APTX: variants seen among roughly 807,000 people sequenced by gnomAD.
APTX encodes forkhead-associated domain histidine triad-like protein.
APTX carries 33 observed loss-of-function variants against 42.3 expected under a neutral mutation model. The ratio of observed to expected loss-of-function variants is 0.78; its 90% confidence interval spans 0.59 to 1.04. The LOEUF is 1.04. APTX is among the 50% of genes least tolerant of loss of function. The pLI, the probability that APTX is intolerant of heterozygous loss-of-function variation, is 0.00. For missense variants in APTX, 421 were observed against 415.1 expected (o/e 1.01, Z -0.12); for synonymous variants, 130 against 146.7 (o/e 0.89, Z 0.82).
chr9:32,993,491 C>T (rs1834117945), intron 1 of APTX, among the ~76,000 whole-genome samples: 1 of 152,308 alleles, frequency 6.6e-6, no homozygotes, highest in Admixed American at 6.5e-5. Flanking sequence ...CCTAATCTAA[C>T]ACTTGGCATA....
chr9:32,987,717 C>A lies in APTX; in HGVS notation c.310G>T (p.Ala104Ser). The A allele has an allele frequency of 6.2e-7, 1 of 1,614,178 alleles. No individual in the cohort carries two copies. Among genetic ancestry groups the A allele is most frequent in the Non-Finnish European group, 8.5e-7 (1 of 1,180,030 alleles). The change falls in exon 4 of 8, where the codon GCA becomes TCA. Residue 104 changes from alanine to serine, a missense_variant. Coordinates refer to ENST00000379817, the MANE Select transcript of APTX (RefSeq NM_001195248.2). ...YPYIVEFEEEAKNPGLETHRK... is the reference protein window; with the variant it reads ...YPYIVEFEEESKNPGLETHRK... Reference sequence around the variant, plus strand: ...TGTGTTTCCAGGCCAGGGTTCTTTGCCTCTTCCTCAAACTCTACAATATAT... The same window carrying A: ...TGTGTTTCCAGGCCAGGGTTCTTTGACTCTTCCTCAAACTCTACAATATAT...
chr9:33,013,545 G>A (rs1003469525), intron 1 of APTX, among the ~76,000 whole-genome samples: 3 of 152,226 alleles, frequency 2.0e-5, no homozygotes, highest in Admixed American at 6.5e-5. Context: ...GGTGGCTCAT[G>A]CCTGTAATCC....
chr9:33,017,326 T>G (rs1421067855), intron 1 of APTX, among the ~76,000 whole-genome samples: 1 of 152,206 alleles, frequency 6.6e-6, no homozygotes, highest in Non-Finnish European at 1.5e-5. Context: ...CTGGGTAGCT[T>G]ACAAACACCA....
chr9:32,993,184 A>G (rs1397998906), intron 1 of APTX, among the ~76,000 whole-genome samples: 1 of 152,214 alleles, frequency 6.6e-6, no homozygotes, highest in African/African-American at 2.4e-5. Flanking sequence ...TCTGCCCTCC[A>G]TCAATACAGA....
intron 5 of APTX, among the ~76,000 whole-genome samples, 179 bp from the exon 6 acceptor site, chr9:32,985,036 A>T (rs931046693): frequency 6.6e-6 from 1 of 152,238 alleles, no homozygotes; most frequent in East Asian, 1.9e-4. Flanking sequence ...CACAAGTCAT[A>T]GTTCCTAAGA....
At chr9:33,015,055 C>A (rs10971320) in intron 1 of APTX, among the ~76,000 whole-genome samples, 10,737 of 152,180 alleles carry the variant, frequency 0.071, 515 homozygotes, top group Non-Finnish European at 0.11. Flanking sequence ...TCTTGTATGC[C>A]TTTTAGCTTT....
At position 32,973,114 on chromosome 9, in the gene APTX, G is replaced by T; in HGVS notation, c.*384C>A. ...GCCACTCTAGATGCTCTGATTAAAG[G>T]TTGTCCATGCCTACAGAGGCGGAGG... On this transcript the variant is annotated 3_prime_UTR_variant, in exon 8 of 8. Transcript: ENST00000379817. The T allele has an allele frequency of 2.2e-6, 1 of 458,394 alleles. No individual in the cohort carries two copies. Among genetic ancestry groups the T allele is most frequent in the Non-Finnish European group, 4.4e-6 (1 of 229,762 alleles). The allele number at this position is 458,394 out of a possible 1,614,324, so 28.4% of individuals were successfully genotyped here. A position where few individuals can be genotyped will look rare whatever the true frequency, so the allele number is the denominator to read the frequency against.
chr9:33,023,173 G>A (rs539710129), intron 1 of APTX, among the ~76,000 whole-genome samples: 210 of 151,242 alleles, frequency 1.4e-3, no homozygotes, highest in Non-Finnish European at 2.9e-3. Context: ...TTTGTTTCTG[G>A]TTCCCTATGT....
chr9:32,987,303 T>C (rs937747690), intron 4 of APTX, among the ~76,000 whole-genome samples: 3 of 152,228 alleles, frequency 2.0e-5, no homozygotes, highest in Admixed American at 6.5e-5. Flanking sequence ...ACTTTAGTTG[T>C]TCAATGTTAA....
At chr9:33,021,725 C>G (rs1161603707) in intron 1 of APTX, among the ~76,000 whole-genome samples, 2 of 152,082 alleles carry the variant, frequency 1.3e-5, no homozygotes, top group Admixed American at 6.5e-5. Context: ...TAGTGTTAGA[C>G]AAACTAGTTT....
chr9:33,014,133 GGC>G lies in APTX; in HGVS notation c.-5+10888_-5+10889del, dbSNP rs1438686631. Among the ~76,000 whole-genome samples the G allele has an allele frequency of 1.2e-3, 176 of 152,344 alleles. 1 individual carries two copies. The highest frequency in any genetic ancestry group is 4.0e-3 in the African/African-American group (167 of 41,570). ...GCTCAGCACAGAAACTGATGGCAAAGGCCTACTCTGGCACCATTACCAGCCCT... is the reference window on the plus strand; with the variant it reads ...GCTCAGCACAGAAACTGATGGCAAAGCTACTCTGGCACCATTACCAGCCCT... On this transcript the variant is annotated intron_variant, in intron 1 of 6. Coordinates refer to the APTX transcript ENST00000436040.
intron 1 of APTX, among the ~76,000 whole-genome samples, chr9:32,993,012 AAT>A (rs1833992054): frequency 6.6e-6 from 1 of 152,182 alleles, no homozygotes; most frequent in South Asian, 2.1e-4. Flanking sequence ...TGAGAAGTGA[AAT>A]ATGTCTTCAC....
At chr9:32,988,485 C>T (rs1024861922) in intron 2 of APTX, among the ~76,000 whole-genome samples, 23 of 152,036 alleles carry the variant, frequency 1.5e-4, no homozygotes, top group Admixed American at 6.6e-4. Context: ...TTTCTCCCAG[C>T]CTGGGCAGCA....
At chr9:32,992,701 A>G (rs1243563648) in intron 1 of APTX, among the ~76,000 whole-genome samples, 1 of 152,248 alleles carries the variant, frequency 6.6e-6, no homozygotes, top group Non-Finnish European at 1.5e-5. Flanking sequence ...ATAAAACAAC[A>G]GCATCCAAAG....
chr9:33,008,472 C>T (rs1290096643), intron 1 of APTX, among the ~76,000 whole-genome samples: 1 of 151,854 alleles, frequency 6.6e-6, no homozygotes, highest in Non-Finnish European at 1.5e-5. Flanking sequence ...AACTGTTGGC[C>T]TCAAGCAGTC....
intron 4 of APTX, among the ~76,000 whole-genome samples, chr9:32,986,968 A>G (rs112743858): frequency 6.4e-4 from 97 of 151,946 alleles, no homozygotes; most frequent in Non-Finnish European, 6.6e-4. Context: ...GTGTACCACC[A>G]GGCCCAGCTA....
chr9:33,001,405 AAGGT>A, intron 1 of APTX, 158 bp downstream of exon 1: 1 of 1,535,624 alleles, frequency 6.5e-7, no homozygotes, highest in Admixed American at 2.0e-5. Flanking sequence ...GAAACAGCCC[AAGGT>A]AGTAACAGGG....
At chr9:32,989,531 G>A in intron 2 of APTX, 4 of 670,866 alleles carry the variant, frequency 6.0e-6, no homozygotes, top group Non-Finnish European at 1.1e-5. Context: ...GTAACAGTAT[G>A]AACTTGACTG....
intron 1 of APTX, among the ~76,000 whole-genome samples, chr9:32,991,038 T>C (rs1833490484): frequency 6.6e-6 from 1 of 152,174 alleles, no homozygotes; most frequent in South Asian, 2.1e-4. Context: ...GCGATTCTCC[T>C]GCCTCAGCCT....
Sources: gnomAD v4.1 joint callset for allele counts (sites outside exome capture counted in the v4.1 genomes callset) on GRCh38, gnomAD v4.1.1 for gene constraint, MANE v1.5 for transcripts, NCBI Gene and HGNC (gene_info 2026-07-23, HGNC 2026-07-21) for gene names.